RFX7: variants seen among roughly 807,000 people sequenced by gnomAD.
The protein encoded by RFX7 is DNA-binding protein RFX7.
Under a neutral mutation model 111.8 loss-of-function variants are expected in RFX7, and 26 were observed. The observed-to-expected ratio is 0.23, with a 90% CI of 0.17 to 0.32. The LOEUF (loss-of-function observed/expected upper bound fraction) is 0.32, where lower values mean the gene tolerates loss of function less well. RFX7 is among the 10% of genes least tolerant of loss of function. The pLI is 1.00. For missense variants in RFX7, 1,573 were observed against 1,772.9 expected, an observed-to-expected ratio of 0.89 and a Z score of 2.02; for synonymous variants, 624 against 624.4, an observed-to-expected ratio of 1.00 and a Z score of 0.01.
Position 56,112,707 on chromosome 15 carries a change from G to A in RFX7, c.402-9037C>T, listed in dbSNP as rs780240400. On this transcript the variant is annotated intron_variant, in intron 5 of 9. Coordinates refer to ENST00000559447, the MANE Select transcript of RFX7 (RefSeq NM_022841.7). ...CAGCAAAAGAAACTATCATCAGAGC[G>A]AACAGACAACCAACCTATAGAATGA... Among the ~76,000 whole-genome samples, 8 of 152,088 alleles carry A rather than the reference G, an allele frequency of 5.3e-5. No homozygotes were observed. The South Asian group carries it at 1.5e-3, about 28-fold the overall frequency.
chr15:56,144,459 G>C lies in RFX7; in HGVS notation c.220C>G (p.Leu74Val), dbSNP rs192584034. 2.7e-4 allele frequency: 362 copies of C among 1,364,892 alleles called. 2 individuals are homozygous for C. The Admixed American group carries it at 2.8e-3, about 10-fold the overall frequency. 84.5% of individuals were successfully genotyped at this position (1,364,892 alleles called of 1,614,324 possible). Residue 74 changes from leucine to valine, a missense_variant, in exon 4 of 10, where the codon CTA (leucine) becomes GTA (valine). This residue lies in a region of RFX7 where 191 missense variants were observed against 194.2 expected (regional missense o/e 0.98). Transcript: ENST00000559447. ...TGAAGGTAGAGGTAGAGTTTCTCTA[G>C]GTCTGTAAACTTCTCAACTTCTTGC... ...ILQEVEKFTD[L>V]EKLYLYLQLP...
chr15:56,166,066 C>T (rs1253085246), intron 3 of RFX7, among the ~76,000 whole-genome samples: 1 of 152,118 alleles, frequency 6.6e-6, no homozygotes, highest in Non-Finnish European at 1.5e-5. Context: ...TCATGCCCAG[C>T]TGATTTTTTA....
Position 56,098,083 on chromosome 15 carries a change from G to C in RFX7, c.1105C>G (p.Pro369Ala). The change falls in exon 9 of 10, where the codon CCG becomes GCG. Residue 369 changes from proline to alanine, a missense_variant and splice_region_variant. Transcript: ENST00000559447. Reference protein sequence around the residue: ...IVVAAVPSPIPVQRTRQLVTS... With the variant: ...IVVAAVPSPIAVQRTRQLVTS... ...CAAATACTATTTAATTATATTACCG[G>C]AATGGGACTAGGGACAGCTGCCACA... is the stretch of plus-strand genomic sequence containing the variant. 3 of 1,612,820 alleles carry C rather than the reference G, an allele frequency of 1.9e-6. No homozygotes were observed. The highest frequency in any genetic ancestry group is 2.5e-6 in the Non-Finnish European group (3 of 1,179,206).
chr15:56,207,682 A>G (rs929925589), intron 2 of RFX7, among the ~76,000 whole-genome samples: 15 of 152,206 alleles, frequency 9.9e-5, no homozygotes, highest in Admixed American at 1.3e-4. Flanking sequence ...TGCTCTACAA[A>G]AGACTGTTAA....
intron 3 of RFX7, among the ~76,000 whole-genome samples, chr15:56,154,311 C>T (rs1330994580): frequency 6.6e-6 from 1 of 152,122 alleles, no homozygotes; most frequent in East Asian, 1.9e-4. Flanking sequence ...CAAAAAAGAG[C>T]CCGCATAGCC....
At chr15:56,122,892 T>C (rs2042096521) in intron 5 of RFX7, among the ~76,000 whole-genome samples, 1 of 152,072 alleles carries the variant, frequency 6.6e-6, no homozygotes, top group African/African-American at 2.4e-5. Flanking sequence ...CTGTGGTGAA[T>C]GCCCTCAAAT....
In RFX7 at chr15:56,129,218, T is replaced by C. The variant is rs376483648; in HGVS notation, c.401+13560A>G. On this transcript the variant is annotated intron_variant, in intron 5 of 9. Transcript: ENST00000559447. Reference sequence around the variant, plus strand: ...TGGTGAAACCCATCCCTATAATAAATATAAAAATTAGCCAGGCGTGGTGGT... The same window carrying C: ...TGGTGAAACCCATCCCTATAATAAACATAAAAATTAGCCAGGCGTGGTGGT... 1.3e-5 allele frequency among the ~76,000 whole-genome samples: 2 copies of C among 151,876 alleles called. 1 individual carries two copies.
chr15:56,142,725 T>G, intron 5 of RFX7, 53 bp downstream of exon 5: 1 of 1,514,792 alleles, frequency 6.6e-7, no homozygotes, highest in Non-Finnish European at 9.0e-7. Flanking sequence ...TGGCCAAGTA[T>G]AGTATTTTAC....
At chr15:56,208,029 G>A (rs1229882507) in intron 2 of RFX7, among the ~76,000 whole-genome samples, 1 of 152,114 alleles carries the variant, frequency 6.6e-6, no homozygotes, top group African/African-American at 2.4e-5. Context: ...TAAACTCCAG[G>A]GAAATCCAGT....
chr15:56,218,681 A>G (rs1167947903), intron 2 of RFX7, among the ~76,000 whole-genome samples: 1 of 152,190 alleles, frequency 6.6e-6, no homozygotes, highest in African/African-American at 2.4e-5. Flanking sequence ...AGCAACAAAG[A>G]AGGCGATAAT....
chr15:56,151,234 A>G (rs2042565256), intron 3 of RFX7, among the ~76,000 whole-genome samples: 1 of 152,320 alleles, frequency 6.6e-6, no homozygotes, highest in East Asian at 1.9e-4. Flanking sequence ...CCTCGAGAAG[A>G]GCAACCCCAA....
At chr15:56,238,897 G>C (rs2043654736) in intron 2 of RFX7, among the ~76,000 whole-genome samples, 1 of 152,084 alleles carries the variant, frequency 6.6e-6, no homozygotes, top group African/African-American at 2.4e-5. Context: ...GCAGTGGCAT[G>C]ATCTCGGCTC....
chr15:56,244,574 C>T (rs1185700462), upstream of RFX7, among the ~76,000 whole-genome samples: 2 of 148,224 alleles, frequency 1.3e-5, no homozygotes, highest in Non-Finnish European at 3.0e-5. Flanking sequence ...TCCCCTCCAC[C>T]TCCCCACCCC....
In RFX7 at chr15:56,087,679, C is replaced by G. The variant is rs1317894987; in HGVS notation, c.*5666G>C. On this transcript the variant is annotated 3_prime_UTR_variant, in exon 10 of 10. Transcript: ENST00000559447. ...GTAAAGAAGAAGGGGAGAATGCATA[C>G]TACTGGTAAGTATCCGCCTCTGCTA... 3 of 405,742 alleles carry G rather than the reference C, an allele frequency of 7.4e-6. No individual in the cohort carries two copies. Among genetic ancestry groups the G allele is most frequent in the Non-Finnish European group, 1.5e-5 (3 of 202,058 alleles). 25.1% of individuals were successfully genotyped at this position (405,742 alleles called of 1,614,324 possible). A position where few individuals can be genotyped will look rare whatever the true frequency, so the allele number is the denominator to read the frequency against.
intron 5 of RFX7, among the ~76,000 whole-genome samples, chr15:56,130,428 A>G (rs2140989839): frequency 6.6e-6 from 1 of 152,238 alleles, no homozygotes; most frequent in East Asian, 1.9e-4. Context: ...AAAAATTTAA[A>G]AAGAAAACAA....
At chr15:56,223,208 G>A (rs1346919787) in intron 2 of RFX7, among the ~76,000 whole-genome samples, 8 of 152,078 alleles carry the variant, frequency 5.3e-5, no homozygotes, top group Non-Finnish European at 8.8e-5. Flanking sequence ...CCCTGCACAC[G>A]TGGAGTTCGG....
At chr15:56,155,954 T>G (rs1397292014) in intron 3 of RFX7, among the ~76,000 whole-genome samples, 1 of 152,032 alleles carries the variant, frequency 6.6e-6, no homozygotes, top group Non-Finnish European at 1.5e-5. Flanking sequence ...ATATACAGCC[T>G]TCATGCTCTC....
intron 2 of RFX7, among the ~76,000 whole-genome samples, chr15:56,207,534 C>T (rs557045567): frequency 6.6e-6 from 1 of 152,218 alleles, no homozygotes; most frequent in Admixed American, 6.5e-5. Context: ...GGATCACAGA[C>T]TTAAATGTAA....
At chr15:56,102,781 G>T (rs904746064) in intron 6 of RFX7, among the ~76,000 whole-genome samples, 5 of 152,158 alleles carry the variant, frequency 3.3e-5, no homozygotes, top group Non-Finnish European at 7.3e-5. Context: ...CCAACTAGTG[G>T]TTAGAGAACA....
Sources: gnomAD v4.1 joint callset for allele counts (sites outside exome capture counted in the v4.1 genomes callset) on GRCh38, gnomAD v4.1.1 for gene constraint, gnomAD v4.1.1 regional missense constraint, MANE v1.5 for transcripts, NCBI Gene and HGNC (gene_info 2026-07-23, HGNC 2026-07-21) for gene names.